ATF6: variants seen among roughly 807,000 people sequenced by gnomAD.
ATF6 encodes the protein activating transcription factor 6, also known as cyclic AMP-dependent transcription factor ATF-6 alpha.
In ATF6, 53 loss-of-function variants were observed where a neutral mutation model predicts 83.6. That is an observed-to-expected ratio of 0.63 (90% CI 0.51 to 0.80). The LOEUF is 0.80. Ranked by LOEUF, ATF6 falls within the 30% of genes least tolerant of loss-of-function variation. The pLI is 0.00. For synonymous variants in ATF6, 288 were observed against 285.8 expected (o/e 1.01, Z -0.08); for missense variants, 744 against 797.9 (o/e 0.93, Z 0.81).
chr1:161,843,122 G>A (rs997125593), intron 9 of ATF6, among the ~76,000 whole-genome samples: 5 of 152,188 alleles, frequency 3.3e-5, no homozygotes, highest in African/African-American at 7.2e-5. Context: ...GTGCACTCAC[G>A]CATGTTCCGC....
At chr1:161,910,552 G>A (rs1217894083) in intron 14 of ATF6, among the ~76,000 whole-genome samples, 1 of 152,266 alleles carries the variant, frequency 6.6e-6, no homozygotes, top group East Asian at 1.9e-4. Flanking sequence ...CTGTATCTTA[G>A]CAGGAAACTC....
At chr1:161,767,415 T>TTTTAA (rs1684290085) in intron 1 of ATF6, among the ~76,000 whole-genome samples, 2 of 152,228 alleles carry the variant, frequency 1.3e-5, no homozygotes, top group Non-Finnish European at 2.9e-5. Context: ...TTTTAATCCT[T>TTTTAA]GGGTAGATTT....
At chr1:161,839,144 G>A (rs1420846672) in intron 9 of ATF6, among the ~76,000 whole-genome samples, 1 of 151,958 alleles carries the variant, frequency 6.6e-6, no homozygotes. Context: ...GAGGCAGATG[G>A]TGCATGAAGT....
At position 161,793,101 on chromosome 1, in the gene ATF6, A is replaced by T. The variant is rs1684922698; in HGVS notation, c.688+774A>T. Among the ~76,000 whole-genome samples, 6 of 152,216 alleles carry T rather than the reference A, an allele frequency of 3.9e-5. 1 individual carries two copies. Among genetic ancestry groups the T allele is most frequent in the Admixed American group, 3.9e-4 (6 of 15,282 alleles). ...AGGCGATAATGGGGTATGGGTTGTA[A>T]ATAAACACCAATGTTACATTTGTAC... is the stretch of plus-strand genomic sequence containing the variant. On this transcript the variant is annotated intron_variant, in intron 6 of 15. Transcript: ENST00000367942.
At chr1:161,777,984 A>G (rs981359775) in intron 1 of ATF6, among the ~76,000 whole-genome samples, 2 of 152,184 alleles carry the variant, frequency 1.3e-5, no homozygotes, top group Non-Finnish European at 2.9e-5. Context: ...GCCACTACCA[A>G]TTAGTCTTAC....
intron 14 of ATF6, among the ~76,000 whole-genome samples, chr1:161,901,870 C>A (rs967070541): frequency 2.0e-5 from 3 of 152,088 alleles, no homozygotes; most frequent in Admixed American, 6.6e-5. Context: ...AACTTGTACC[C>A]ATGCATGATT....
intron 14 of ATF6, among the ~76,000 whole-genome samples, chr1:161,866,728 T>G (rs1298824947): frequency 6.6e-6 from 1 of 152,180 alleles, no homozygotes; most frequent in Non-Finnish European, 1.5e-5. Flanking sequence ...AAAATCCAAT[T>G]AAGTTTAATG....
At chr1:161,815,443 G>A (rs545705172) in intron 7 of ATF6, among the ~76,000 whole-genome samples, 1 of 150,794 alleles carries the variant, frequency 6.6e-6, no homozygotes, top group Non-Finnish European at 1.5e-5. Context: ...CTCCTGCCTC[G>A]ACCTACCAAA....
intron 9 of ATF6, among the ~76,000 whole-genome samples, chr1:161,821,670 C>T (rs4644467): frequency 1.3e-5 from 2 of 152,102 alleles, no homozygotes; most frequent in Non-Finnish European, 1.5e-5. Flanking sequence ...GGGAGTGTGC[C>T]TGAGGCTAGA....
chr1:161,837,425 G>C (rs1455325614), intron 9 of ATF6, among the ~76,000 whole-genome samples: 1 of 152,194 alleles, frequency 6.6e-6, no homozygotes, highest in Non-Finnish European at 1.5e-5. Flanking sequence ...TTTGGTGTCT[G>C]TGTGTTCTGA....
chr1:161,891,748 A>G (rs1286496901), intron 14 of ATF6: 1 of 152,198 alleles, frequency 6.6e-6, no homozygotes, highest in Non-Finnish European at 1.5e-5. Flanking sequence ...AAGGCTGGTT[A>G]TTAATGACTC....
chr1:161,826,124 G>C lies in ATF6; in HGVS notation c.1187+4963G>C, dbSNP rs142065967. Among the ~76,000 whole-genome samples, 874 of 152,238 alleles carry C rather than the reference G, an allele frequency of 5.7e-3. 8 individuals are homozygous for C. Among genetic ancestry groups the C allele is most frequent in the Non-Finnish European group, 7.9e-3 (538 of 68,028 alleles). On this transcript the variant is annotated intron_variant, in intron 9 of 15. Transcript: ENST00000367942. The stretch of plus-strand genomic sequence containing the variant: ...GAACATAGAAGTAACCAGTAACGCT[G>C]CTAGTGGCAATCATGGGAGGCTTTA...
At chr1:161,821,678 A>G (rs1475775859) in intron 9 of ATF6, among the ~76,000 whole-genome samples, 1 of 152,170 alleles carries the variant, frequency 6.6e-6, no homozygotes, top group Non-Finnish European at 1.5e-5. Context: ...GCCTGAGGCT[A>G]GATATATGGT....
At chr1:161,853,457 A>G in intron 12 of ATF6, 134 bp downstream of exon 12, 1 of 696,328 alleles carries the variant, frequency 1.4e-6, no homozygotes, top group Non-Finnish European at 2.5e-6. Context: ...GCTGCTTCCG[A>G]TGCAGCTATC....
intron 14 of ATF6, among the ~76,000 whole-genome samples, chr1:161,911,522 C>T (rs2101888024): frequency 6.6e-6 from 1 of 152,336 alleles, no homozygotes; most frequent in East Asian, 1.9e-4. Flanking sequence ...ATGCCCTGCA[C>T]AGTGTAGGAC....
chr1:161,864,390 C>T (rs886273464), intron 14 of ATF6, among the ~76,000 whole-genome samples: 6 of 152,062 alleles, frequency 3.9e-5, no homozygotes, highest in African/African-American at 9.7e-5. Context: ...GTTATACAGG[C>T]GGCTCTGTAA....
At chr1:161,865,490 A>G (rs1686977596) in intron 14 of ATF6, among the ~76,000 whole-genome samples, 1 of 152,164 alleles carries the variant, frequency 6.6e-6, no homozygotes, top group African/African-American at 2.4e-5. Context: ...TATTTTTATA[A>G]AAGACAGTGA....
In ATF6 at chr1:161,904,003, A is replaced by G. The variant is rs546117447; in HGVS notation, c.1720-8293A>G. On this transcript the variant is annotated intron_variant, in intron 14 of 15. Coordinates refer to ENST00000367942, the MANE Select transcript of ATF6 (RefSeq NM_007348.4). The stretch of plus-strand genomic sequence containing the variant: ...GGGTATTTATATTATAAAATCCTGC[A>G]GGTGATTCTGATATGTATCTTTTGT... Among the ~76,000 whole-genome samples the G allele has an allele frequency of 3.3e-5, 5 of 152,336 alleles. No individual in the cohort carries two copies. In the South Asian group the frequency reaches 1.0e-3, roughly 32 times the overall value.
chr1:161,775,355 G>A (rs759868365), intron 1 of ATF6, among the ~76,000 whole-genome samples: 13 of 152,050 alleles, frequency 8.5e-5, no homozygotes, highest in Admixed American at 2.0e-4. Flanking sequence ...CTCTAACCAC[G>A]AGCCCTAGCC....
Sources: gnomAD v4.1 joint callset for allele counts (sites outside exome capture counted in the v4.1 genomes callset) on GRCh38, gnomAD v4.1.1 for gene constraint, MANE v1.5 for transcripts, NCBI Gene and HGNC (gene_info 2026-07-23, HGNC 2026-07-21) for gene names.